The following SIPA1L3 variants were observed in gnomAD, a reference collection of about 807,000 sequenced individuals.
SIPA1L3 encodes signal induced proliferation associated 1 like 3, also known as signal-induced proliferation-associated 1-like protein 3.
SIPA1L3 carries 59 observed loss-of-function variants against 150.1 expected under a neutral mutation model. That is an observed-to-expected ratio of 0.39 (90% CI 0.32 to 0.49). The LOEUF is 0.49. Among genes scored for constraint, SIPA1L3 ranks in the 20% least tolerant of loss-of-function variants. SIPA1L3 has a pLI of 0.86. For synonymous variants in SIPA1L3, 1,070 were observed against 1,077.6 expected (o/e 0.99, Z 0.14); for missense variants, 2,211 against 2,489.5 (o/e 0.89, Z 2.38).
At chr19:38,077,963 G>C (rs549954598) in intron 2 of SIPA1L3, among the ~76,000 whole-genome samples, 2 of 152,014 alleles carry the variant, frequency 1.3e-5, no homozygotes, top group Non-Finnish European at 2.9e-5. Context: ...GAGCCACTGC[G>C]CCTGGCCAAT....
chr19:38,099,869 C>A, intron 4 of SIPA1L3, 93 bp from the exon 5 acceptor site: 2 of 1,084,160 alleles, frequency 1.8e-6, no homozygotes, highest in Non-Finnish European at 2.6e-6. Flanking sequence ...AATCATCACA[C>A]ATGTCTCTTT....
intron 8 of SIPA1L3, among the ~76,000 whole-genome samples, chr19:38,118,267 A>G (rs1323050249): frequency 6.6e-6 from 1 of 152,058 alleles, no homozygotes; most frequent in East Asian, 2.0e-4. Context: ...GCTTACAAAA[A>G]ATACAAAATT....
At chr19:38,030,720 T>G (rs1968635162) in intron 2 of SIPA1L3, among the ~76,000 whole-genome samples, 1 of 151,206 alleles carries the variant, frequency 6.6e-6, no homozygotes, top group Admixed American at 6.6e-5. Flanking sequence ...TGGGTTTGGG[T>G]TGGTTTGCTA....
intron 12 of SIPA1L3, among the ~76,000 whole-genome samples, chr19:38,151,944 A>G (rs1971833576): frequency 7.2e-6 from 1 of 139,800 alleles, no homozygotes; most frequent in South Asian, 2.3e-4. Flanking sequence ...CCTGGTTGAC[A>G]GAGCAAGACC....
intron 1 of SIPA1L3, among the ~76,000 whole-genome samples, chr19:37,927,680 TG>T (rs2046517639): frequency 1.3e-5 from 2 of 150,236 alleles, no homozygotes; most frequent in Non-Finnish European, 3.0e-5. Flanking sequence ...TGTGTGTGTG[TG>T]TGTGTGTGTG....
intron 14 of SIPA1L3, 103 bp downstream of exon 14, chr19:38,162,474 A>G (rs1221795488): frequency 1.3e-5 from 11 of 821,174 alleles, no homozygotes; most frequent in Non-Finnish European, 2.3e-5. Context: ...GCCACCTTCC[A>G]CTCAGCAGAG....
chr19:38,038,303 CAT>C (rs1207305813), intron 2 of SIPA1L3, among the ~76,000 whole-genome samples: 1 of 152,098 alleles, frequency 6.6e-6, no homozygotes, highest in Non-Finnish European at 1.5e-5. Context: ...ATGTAAAAGT[CAT>C]GTGCAGGCCA....
At chr19:37,973,856 G>T (rs1403767237) in intron 1 of SIPA1L3, among the ~76,000 whole-genome samples, 1 of 152,120 alleles carries the variant, frequency 6.6e-6, no homozygotes, top group Non-Finnish European at 1.5e-5. Flanking sequence ...TCAGATGACT[G>T]GATGGTGATG....
intron 1 of SIPA1L3, among the ~76,000 whole-genome samples, chr19:37,913,327 A>G (rs1400999434): frequency 5.3e-5 from 8 of 152,116 alleles, no homozygotes; most frequent in Non-Finnish European, 1.2e-4. Flanking sequence ...TCAGCAGTCA[A>G]CAAGACAGAC....
chr19:37,997,719 T>C (rs1967675018), intron 1 of SIPA1L3, among the ~76,000 whole-genome samples: 1 of 150,776 alleles, frequency 6.6e-6, no homozygotes, highest in African/African-American at 2.4e-5. Context: ...ATACAAAAAT[T>C]ATCTGGGCGC....
At chr19:38,014,420 C>G (rs1968179123) in intron 1 of SIPA1L3, among the ~76,000 whole-genome samples, 1 of 152,058 alleles carries the variant, frequency 6.6e-6, no homozygotes, top group South Asian at 2.1e-4. Flanking sequence ...GTCAGGACAT[C>G]AGATCTCGGG....
At chr19:38,083,572 TG>T (rs1970057624) in intron 3 of SIPA1L3, among the ~76,000 whole-genome samples, 1 of 138,858 alleles carries the variant, frequency 7.2e-6, no homozygotes, top group African/African-American at 2.7e-5. Flanking sequence ...TGTCGGAGGG[TG>T]GGGGCAGATC....
intron 2 of SIPA1L3, among the ~76,000 whole-genome samples, chr19:38,075,008 A>T (rs116234667): frequency 0.016 from 2,444 of 152,324 alleles, 85 homozygotes; most frequent in African/African-American, 0.056. Context: ...TACGGGTATT[A>T]CAGGCATGAG....
At chr19:38,190,031 G>A (rs1342077489) in intron 16 of SIPA1L3, among the ~76,000 whole-genome samples, 1 of 152,176 alleles carries the variant, frequency 6.6e-6, no homozygotes, top group African/African-American at 2.4e-5. Flanking sequence ...CCACAGACAG[G>A]ACCCTGGGAG....
intron 3 of SIPA1L3, among the ~76,000 whole-genome samples, chr19:38,087,250 T>C (rs1432461422): frequency 6.6e-6 from 1 of 152,210 alleles, no homozygotes; most frequent in Non-Finnish European, 1.5e-5. Flanking sequence ...AGATATGCAT[T>C]GATGGAAAAA....
chr19:37,924,567 G>A (rs1376345405), intron 1 of SIPA1L3, among the ~76,000 whole-genome samples: 5 of 151,432 alleles, frequency 3.3e-5, no homozygotes, highest in African/African-American at 1.2e-4. Context: ...AATCCCAGCC[G>A]CTCGGGAGGC....
At chr19:38,136,490 G>T (rs1462785185) in intron 10 of SIPA1L3, among the ~76,000 whole-genome samples, 6 of 152,060 alleles carry the variant, frequency 3.9e-5, no homozygotes, top group Non-Finnish European at 7.4e-5. Context: ...TGTAATCCCA[G>T]CTACTCAAGA....
intron 2 of SIPA1L3, among the ~76,000 whole-genome samples, chr19:38,064,416 G>T (rs1038263323): frequency 1.3e-5 from 2 of 152,248 alleles, no homozygotes; most frequent in Non-Finnish European, 2.9e-5. Flanking sequence ...AAAAATGAAG[G>T]CCGGGCACAG....
At chr19:37,960,717 C>G (rs544541200) in intron 1 of SIPA1L3, among the ~76,000 whole-genome samples, 6 of 151,506 alleles carry the variant, frequency 4.0e-5, no homozygotes, top group Non-Finnish European at 7.4e-5. Context: ...TCACACTCAG[C>G]TAATTTTTAA....
Sources: gnomAD v4.1 joint callset for allele counts (sites outside exome capture counted in the v4.1 genomes callset) on GRCh38, gnomAD v4.1.1 for gene constraint, MANE v1.5 for transcripts, NCBI Gene and HGNC (gene_info 2026-07-23, HGNC 2026-07-21) for gene names.